Variants in COLEC11 observed in about 807,000 individuals in gnomAD.
The protein encoded by COLEC11 is collectin subfamily member 11.
COLEC11 carries 20 observed loss-of-function variants against 27.3 expected under a neutral mutation model. The observed-to-expected ratio is 0.73, with a 90% CI of 0.51 to 1.06. The LOEUF (loss-of-function observed/expected upper bound fraction) is 1.06, where lower values mean the gene tolerates loss of function less well. COLEC11 is among the 50% of genes least tolerant of loss of function. The pLI is 0.00. For missense variants in COLEC11, 310 were observed against 383.0 expected (o/e 0.81, Z 1.59); for synonymous variants, 163 against 154.7 (o/e 1.05, Z -0.40).
At chr2:3,632,738 G>T (rs1665109990) in intron 3 of COLEC11, among the ~76,000 whole-genome samples, 2 of 152,200 alleles carry the variant, frequency 1.3e-5, no homozygotes, top group Non-Finnish European at 1.5e-5. Flanking sequence ...CTGGCACACA[G>T]TCTACCTGGG....
chr2:3,630,921 A>C (rs1664948427), intron 3 of COLEC11, among the ~76,000 whole-genome samples: 1 of 152,198 alleles, frequency 6.6e-6, no homozygotes, highest in Non-Finnish European at 1.5e-5. Context: ...TTAAGATTGT[A>C]CTGGTAAAGC....
rs1664385734 is a variant in COLEC11, at chr2:3,624,419, C to T, written c.202+11037C>T. Among the ~76,000 whole-genome samples the T allele has an allele frequency of 2.0e-5, 3 of 152,206 alleles. No homozygotes were observed. The South Asian group carries it at 6.2e-4, about 32-fold the overall frequency. On this transcript the variant is annotated intron_variant, in intron 3 of 6. Transcript: ENST00000349077. ...GGGTCCATAGCCTTTCTTCCTAGCT[C>T]CCAGTCTCTCCCAACTTCTCCTCCA...
chr2:3,641,190 G>C (rs183624780), intron 5 of COLEC11: 1 of 1,293,644 alleles, frequency 7.7e-7, no homozygotes, highest in African/African-American at 1.5e-5. Context: ...TGGATACCAG[G>C]GAGAAAAGAG....
Position 3,643,961 on chromosome 2 carries a change from C to T in COLEC11, c.659C>T (p.Ser220Phe), listed in dbSNP as rs750077755. ...GGCGCCTTCGTGTACTCTGACCACT[C>T]CCCCATGCGGACCTTCAACAAGTGG... ...KEGAFVYSDHSPMRTFNKWRS... is the reference protein window; with the variant it reads ...KEGAFVYSDHFPMRTFNKWRS... Residue 220 changes from serine to phenylalanine, a missense_variant, in exon 7 of 7, where the codon TCC becomes TTC. Physicochemically the swap from Ser to Phe is radical, Grantham distance 155. Transcript: ENST00000349077. 3 of 1,614,186 alleles carry T rather than the reference C, an allele frequency of 1.9e-6. No homozygotes were observed. Among genetic ancestry groups the T allele is most frequent in the East Asian group, 2.2e-5 (1 of 44,882 alleles).
chr2:3,605,973 T>C (rs1662657387), intron 2 of COLEC11: 17 of 1,297,722 alleles, frequency 1.3e-5, no homozygotes, highest in African/African-American at 4.4e-5. Context: ...GTGCTTTTAA[T>C]TGTGATAAAT....
chr2:3,614,036 GC>G (rs1317059384), intron 3 of COLEC11, among the ~76,000 whole-genome samples: 1 of 148,712 alleles, frequency 6.7e-6, no homozygotes, highest in Non-Finnish European at 1.5e-5. Flanking sequence ...GAGTGCAGTG[GC>G]ACAGTCTTGG....
chr2:3,611,651 G>C (rs1236497709), intron 2 of COLEC11, among the ~76,000 whole-genome samples: 1 of 151,994 alleles, frequency 6.6e-6, no homozygotes, highest in East Asian at 1.9e-4. Context: ...GGTCAGCCCA[G>C]GGGCAGCCCA....
At chr2:3,614,206 G>T (rs906150961) in intron 3 of COLEC11, among the ~76,000 whole-genome samples, 21 of 151,796 alleles carry the variant, frequency 1.4e-4, no homozygotes, top group Non-Finnish European at 2.7e-4. Flanking sequence ...CGAACTCCTG[G>T]CCTCAAGTAA....
intron 2 of COLEC11, 109 bp from the exon 3 acceptor site, chr2:3,613,202 A>T: frequency 8.3e-7 from 1 of 1,200,898 alleles, no homozygotes; most frequent in Non-Finnish European, 1.2e-6. Context: ...GGGCTTGGCC[A>T]CCTGCAGGGA....
Position 3,643,711 on chromosome 2 carries a change from C to T in COLEC11, c.425-16C>T, listed in dbSNP as rs757428964. 7.4e-6 allele frequency: 12 copies of T among 1,613,412 alleles called. No homozygotes were observed. The highest frequency in any genetic ancestry group is 9.3e-6 in the Non-Finnish European group (11 of 1,179,938). ...ACATACAAGTGCTCACTTTTCAACC[C>T]TGCCTTACCCCACAGCTGTCGCCGG... is the stretch of plus-strand genomic sequence containing the variant. On this transcript the variant is annotated splice_polypyrimidine_tract_variant and intron_variant, in intron 6 of 6. Coordinates refer to ENST00000349077, the MANE Select transcript of COLEC11 (RefSeq NM_024027.5).
intron 3 of COLEC11, among the ~76,000 whole-genome samples, chr2:3,615,108 C>CT (rs35128729): frequency 0.58 from 84,632 of 146,448 alleles, 26,415 homozygotes; most frequent in South Asian, 0.75. Context: ...TATTTTCTTT[C>CT]TTTTTTTTTT....
intron 3 of COLEC11, among the ~76,000 whole-genome samples, chr2:3,620,237 T>C (rs1217875088): frequency 6.6e-6 from 1 of 152,214 alleles, no homozygotes; most frequent in Non-Finnish European, 1.5e-5. Flanking sequence ...ATCAGTCTCA[T>C]TACAGATCTG....
rs1332653644 is a variant in COLEC11 at position 3,644,131 on chromosome 2, G to C, written c.*13G>C. On this transcript the variant is annotated 3_prime_UTR_variant, in exon 7 of 7. Coordinates refer to ENST00000349077, the MANE Select transcript of COLEC11 (RefSeq NM_024027.5). ...GGAGAACATGTGAGCCTCAGGCTGG[G>C]GCTGCCCATTGGGGGCCCCACATGT... The C allele has an allele frequency of 6.2e-7, 1 of 1,606,352 alleles. No individual in the cohort carries two copies. The highest frequency in any genetic ancestry group is 1.3e-5 in the African/African-American group (1 of 74,950).
intron 3 of COLEC11, chr2:3,617,734 C>T (rs990971110): frequency 1.4e-6 from 2 of 1,437,888 alleles, no homozygotes; most frequent in African/African-American, 2.8e-5. Flanking sequence ...GAAGTCTGGT[C>T]TGCGCAGTGG....
chr2:3,633,358 G>T (rs569225621), intron 3 of COLEC11, among the ~76,000 whole-genome samples: 1 of 152,244 alleles, frequency 6.6e-6, no homozygotes, highest in Non-Finnish European at 1.5e-5. Context: ...ACCTGAGAGT[G>T]AGTTGAGAGC....
At position 3,615,293 on chromosome 2, in the gene COLEC11, G is replaced by A. The variant is rs984353911; in HGVS notation, c.202+1911G>A. On this transcript the variant is annotated intron_variant, in intron 3 of 6. Coordinates refer to ENST00000349077, the MANE Select transcript of COLEC11 (RefSeq NM_024027.5). Reference sequence around the variant, plus strand: ...TAGGCAGAGGACCCTGCGGCCATCCGCAGTGTTTGTGTCCCTGGGTACTTG... The same window carrying A: ...TAGGCAGAGGACCCTGCGGCCATCCACAGTGTTTGTGTCCCTGGGTACTTG... 5.3e-5 allele frequency among the ~76,000 whole-genome samples: 8 copies of A among 152,300 alleles called. No homozygotes were observed. The East Asian group carries it at 5.8e-4, about 11-fold the overall frequency.
At chr2:3,597,915 TTTTTATTTTTATTTTA>T (rs1351939782) in intron 1 of COLEC11, among the ~76,000 whole-genome samples, 1 of 152,064 alleles carries the variant, frequency 6.6e-6, no homozygotes, top group Non-Finnish European at 1.5e-5. Flanking sequence ...ATTTTTGTAT[TTTTTATTTTTATTTTA>T]TTTTATTTAT....
chr2:3,644,061 C>T lies in COLEC11; in HGVS notation c.759C>T (p.Asp253=), dbSNP rs779122949. The part of the protein sequence containing the change: ...VEMVASGGWN[D]VACHTTMYFM... Reference sequence around the variant, plus strand: ...TGGTGGCCTCGGGCGGCTGGAACGACGTGGCCTGCCACACCACCATGTACT... The same window carrying T: ...TGGTGGCCTCGGGCGGCTGGAACGATGTGGCCTGCCACACCACCATGTACT... Residue 253 remains aspartate (D), a synonymous_variant, in exon 7 of 7, where the codon GAC becomes GAT. Transcript: ENST00000349077. 8.1e-6 allele frequency: 13 copies of T among 1,613,522 alleles called. No homozygotes were observed. The highest frequency in any genetic ancestry group is 1.6e-4 in the Middle Eastern group (1 of 6,062).
intron 3 of COLEC11, among the ~76,000 whole-genome samples, chr2:3,637,066 C>A (rs1665470090): frequency 6.6e-6 from 1 of 152,184 alleles, no homozygotes. Flanking sequence ...GAGCCAGGGG[C>A]TTTTCCACCT....
Sources: gnomAD v4.1 joint callset for allele counts (sites outside exome capture counted in the v4.1 genomes callset) on GRCh38, gnomAD v4.1.1 for gene constraint, MANE v1.5 for transcripts, NCBI Gene and HGNC (gene_info 2026-07-23, HGNC 2026-07-21) for gene names.